The following ZNF367 variants were observed in gnomAD, a reference collection of about 807,000 sequenced individuals.
ZNF367 encodes zinc finger protein 367.
In ZNF367, 11 loss-of-function variants were observed where a neutral mutation model predicts 31.8. The ratio of observed to expected loss-of-function variants is 0.35; its 90% CI spans 0.22 to 0.57. The LOEUF is 0.57. Among genes scored for constraint, ZNF367 ranks in the 20% least tolerant of loss-of-function variants. The probability of loss-of-function intolerance (pLI) is 0.85; values close to 1 mark genes in which losing one functional copy is unlikely to be tolerated. For synonymous variants in ZNF367, 199 were observed against 202.4 expected, an observed-to-expected ratio of 0.98 and a Z score of 0.14; for missense variants, 353 against 484.1, an observed-to-expected ratio of 0.73 and a Z score of 2.54.
At chr9:96,415,435 T>C (rs926889832) in intron 1 of ZNF367, among the ~76,000 whole-genome samples, 2 of 148,776 alleles carry the variant, frequency 1.3e-5, no homozygotes, top group Non-Finnish European at 3.0e-5. Flanking sequence ...TAGCCTTTAG[T>C]AATACTCAGC....
intron 1 of ZNF367, among the ~76,000 whole-genome samples, chr9:96,416,344 G>T (rs1831830976): frequency 6.6e-6 from 1 of 151,420 alleles, no homozygotes; most frequent in Non-Finnish European, 1.5e-5. Context: ...CCTCTGCCTC[G>T]CAAAGTTCTG....
At chr9:96,392,220 TC>T in intron 4 of ZNF367, 177 bp downstream of exon 4, 1 of 821,616 alleles carries the variant, frequency 1.2e-6, no homozygotes. Context: ...CACACACAGA[TC>T]CTAAGATCCT....
In ZNF367 at chr9:96,391,869, C is replaced by A. The variant is rs148123399; in HGVS notation, c.830+529G>T. On this transcript the variant is annotated intron_variant, in intron 4 of 4. Transcript: ENST00000375256. Reference sequence around the variant, plus strand: ...TCTTGGCTCACTGCAACCTCCGTCTCCCAGGCTCAAGCGATTCTTCTGCCT... The same window carrying A: ...TCTTGGCTCACTGCAACCTCCGTCTACCAGGCTCAAGCGATTCTTCTGCCT... 3.3e-3 allele frequency among the ~76,000 whole-genome samples: 505 copies of A among 152,260 alleles called. 4 individuals carry two copies. The highest frequency in any genetic ancestry group is 0.012 in the African/African-American group (486 of 41,540).
At chr9:96,396,103 C>T (rs554955654) in intron 2 of ZNF367, among the ~76,000 whole-genome samples, 2 of 152,148 alleles carry the variant, frequency 1.3e-5, no homozygotes, top group Admixed American at 6.5e-5. Context: ...TCAACTATCC[C>T]TTAGGGATCC....
intron 1 of ZNF367, among the ~76,000 whole-genome samples, chr9:96,404,844 T>A (rs183663293): frequency 1.1e-4 from 16 of 152,220 alleles, no homozygotes; most frequent in Admixed American, 9.8e-4. Flanking sequence ...AGATATTTAT[T>A]TGCAAACCAT....
rs1831512730 is a variant in ZNF367, at chr9:96,394,920, G to A, written c.594C>T (p.Asp198=). Residue 198 remains aspartate (D), a synonymous_variant, in exon 3 of 5, where the codon GAC becomes GAT. Transcript: ENST00000375256. The stretch of plus-strand genomic sequence containing the variant: ...CAAAGGCTTTTCCACAGTCTGGATA[G>A]TCACACAGATAGGGCCTCTCACCTA... ...THTGERPYLC[D]YPDCGKAFVQ... 1 of 1,614,030 alleles carries A rather than the reference G, an allele frequency of 6.2e-7. No individual in the cohort carries two copies. The highest frequency in any genetic ancestry group is 8.5e-7 in the Non-Finnish European group (1 of 1,179,966).
chr9:96,388,222 G>C lies in ZNF367; in HGVS notation c.*15C>G, dbSNP rs1190734642. The C allele has an allele frequency of 6.2e-7, 1 of 1,604,310 alleles. No individual in the cohort carries two copies. Among genetic ancestry groups the C allele is most frequent in the East Asian group, 2.2e-5 (1 of 44,828 alleles). ...TGGGCAGTACTTTTGTACAGTGGAAGAGTCAGTGTCCAAGCTACTGTCGGA... is the reference window on the plus strand; with the variant it reads ...TGGGCAGTACTTTTGTACAGTGGAACAGTCAGTGTCCAAGCTACTGTCGGA... On this transcript the variant is annotated 3_prime_UTR_variant, in exon 5 of 5. Transcript: ENST00000375256.
At chr9:96,399,988 C>T (rs1413253193) in intron 1 of ZNF367, among the ~76,000 whole-genome samples, 1 of 152,060 alleles carries the variant, frequency 6.6e-6, no homozygotes, top group Admixed American at 6.5e-5. Context: ...GTCTGATTTC[C>T]GGAGTCACAT....
At chr9:96,415,478 CA>C (rs1564146063) in intron 1 of ZNF367, among the ~76,000 whole-genome samples, 47 of 65,572 alleles carry the variant, frequency 7.2e-4, no homozygotes, top group African/African-American at 1.4e-3. Flanking sequence ...TTAGTTTCTT[CA>C]TTTTTTTTTT....
At chr9:96,389,540 C>T (rs1831444191) in intron 4 of ZNF367, among the ~76,000 whole-genome samples, 1 of 151,656 alleles carries the variant, frequency 6.6e-6, no homozygotes, top group South Asian at 2.1e-4. Flanking sequence ...TAGTTCAGTT[C>T]ACAAAGGGGG....
chr9:96,395,275 G>C (rs1831517653), intron 2 of ZNF367, among the ~76,000 whole-genome samples: 1 of 151,998 alleles, frequency 6.6e-6, no homozygotes, highest in South Asian at 2.1e-4. Context: ...GCTTCCCCTG[G>C]TCAGACGGGC....
In ZNF367 at chr9:96,388,065, A is replaced by G. The variant is rs1448236574; in HGVS notation, c.*172T>C. On this transcript the variant is annotated 3_prime_UTR_variant, in exon 5 of 5. Transcript: ENST00000375256. ...TTTACGATGAATTCATTTCCATATTAAAAAAGTGCAGTTCTCTCTCACCCC... is the reference window on the plus strand; with the variant it reads ...TTTACGATGAATTCATTTCCATATTGAAAAAGTGCAGTTCTCTCTCACCCC... 1.6e-6 allele frequency: 1 copy of G among 615,472 alleles called. No individual in the cohort carries two copies. The highest frequency in any genetic ancestry group is 2.8e-6 in the Non-Finnish European group (1 of 361,938). 38.1% of individuals were successfully genotyped at this position (615,472 alleles called of 1,614,324 possible). A position where few individuals can be genotyped will look rare whatever the true frequency, so the allele number is the denominator to read the frequency against.
At chr9:96,416,880 G>C (rs548819124) in intron 1 of ZNF367, among the ~76,000 whole-genome samples, 1 of 152,304 alleles carries the variant, frequency 6.6e-6, no homozygotes, top group East Asian at 1.9e-4. Flanking sequence ...AGGACTAAAA[G>C]CCACAAAACC....
At chr9:96,396,231 T>G (rs1482172983) in intron 2 of ZNF367, among the ~76,000 whole-genome samples, 1 of 152,146 alleles carries the variant, frequency 6.6e-6, no homozygotes, top group Admixed American at 6.5e-5. Flanking sequence ...CCACATAGTC[T>G]TGAATCTTAC....
At position 96,417,849 on chromosome 9, in the gene ZNF367, C is replaced by A. The variant is rs1485296400; in HGVS notation, c.184G>T (p.Gly62Cys). The change falls in exon 1 of 5, where the codon GGC becomes TGC. Residue 62 changes from glycine (G) to cysteine (C), a missense_variant. By Grantham distance (159) the Gly-to-Cys change is radical. Around this residue, in one of 5 missense-constraint regions of ZNF367, gnomAD observed 31 missense variants for 58.4 expected, o/e 0.53. Transcript: ENST00000375256. The surrounding 1 kb of genome is among the most constrained non-coding windows in gnomAD (Gnocchi z 5.0). Reference protein sequence around the residue: ...PPPPLIPTSPGFSDFMVYPWR... With the variant: ...PPPPLIPTSPCFSDFMVYPWR... The stretch of plus-strand genomic sequence containing the variant: ...GGGTACACCATGAAGTCGCTGAAGC[C>A]GGGGCTGGTGGGGATGAGCGGCGGC... The A allele has an allele frequency of 2.0e-6, 3 of 1,504,480 alleles. No homozygotes were observed. Among genetic ancestry groups the A allele is most frequent in the East Asian group, 2.7e-5 (1 of 36,916 alleles). 93.2% of individuals were successfully genotyped at this position (1,504,480 alleles called of 1,614,324 possible).
intron 1 of ZNF367, among the ~76,000 whole-genome samples, chr9:96,398,666 A>G (rs1017542087): frequency 3.9e-5 from 6 of 152,208 alleles, no homozygotes; most frequent in African/African-American, 1.4e-4. Context: ...CAGAAAATAC[A>G]TTTATAGCAA....
intron 4 of ZNF367, among the ~76,000 whole-genome samples, chr9:96,392,154 C>T (rs1295540836): frequency 6.6e-6 from 1 of 152,202 alleles, no homozygotes; most frequent in African/African-American, 2.4e-5. Context: ...TAGGAAAACT[C>T]TTCCTTTTAA....
chr9:96,410,580 CA>C (rs1330244140), intron 1 of ZNF367, among the ~76,000 whole-genome samples: 1 of 96,094 alleles, frequency 1.0e-5, no homozygotes, highest in Non-Finnish European at 2.2e-5. Context: ...AAAAAAAAAA[CA>C]AAAAAAACCA....
intron 1 of ZNF367, among the ~76,000 whole-genome samples, chr9:96,415,479 A>ATTTTTTTTTTTTTTTTTTT (rs56349404): frequency 2.6e-5 from 1 of 37,756 alleles, no homozygotes; most frequent in Admixed American, 4.2e-4. Context: ...TAGTTTCTTC[A>ATTTTTTTTTTTTTTTTTTT]TTTTTTTTTT....
Sources: allele counts gnomAD v4.1 joint callset (sites outside exome capture counted in the v4.1 genomes callset), GRCh38; gene constraint gnomAD v4.1.1; regional missense constraint gnomAD v4.1.1; non-coding constraint Gnocchi (gnomAD v3.1); transcripts MANE v1.5; gene names NCBI Gene and HGNC (gene_info 2026-07-23, HGNC 2026-07-21).